The following ADAM23 variants were observed in gnomAD, a reference collection of about 807,000 sequenced individuals.
ADAM23 encodes disintegrin and metalloproteinase domain-containing protein 23.
In ADAM23, 33 loss-of-function variants were observed where a neutral mutation model predicts 120.1. The observed-to-expected ratio is 0.27, with a 90% CI of 0.21 to 0.37. ADAM23 has a LOEUF of 0.37. Ranked by LOEUF, ADAM23 falls within the 10% of genes least tolerant of loss-of-function variation. The probability of loss-of-function intolerance (pLI) is 1.00; values close to 1 mark genes in which losing one functional copy is unlikely to be tolerated. For synonymous variants in ADAM23, 367 were observed against 375.2 expected (o/e 0.98, Z 0.25); for missense variants, 862 against 1,058.2 (o/e 0.81, Z 2.57).
chr2:206,566,967 C>G lies in ADAM23; in HGVS notation c.1395-256C>G, dbSNP rs139075656. On this transcript the variant is annotated intron_variant, in intron 14 of 25. Transcript: ENST00000264377. ...GAGCTTTTTAAAAAACATTTCAAGC[C>G]TGGTCACAAAAGGGCTTGACTGCTG... is the stretch of plus-strand genomic sequence containing the variant. Among the ~76,000 whole-genome samples the G allele has an allele frequency of 3.3e-5, 5 of 152,194 alleles. No individual in the cohort carries two copies. In the East Asian group the frequency reaches 9.6e-4, roughly 29 times the overall value.
intron 24 of ADAM23, among the ~76,000 whole-genome samples, chr2:206,607,750 C>A (rs1457833644): frequency 1.3e-5 from 2 of 152,072 alleles, no homozygotes; most frequent in Non-Finnish European, 2.9e-5. Flanking sequence ...CCATCAAATT[C>A]CAAGTTTTAG....
At chr2:206,501,437 C>T (rs1016036670) in intron 3 of ADAM23, among the ~76,000 whole-genome samples, 5 of 152,014 alleles carry the variant, frequency 3.3e-5, no homozygotes, top group African/African-American at 1.2e-4. Context: ...TAGGCTACTT[C>T]ATTCAGTTAT....
At chr2:206,581,176 A>G (rs1698212784) in intron 18 of ADAM23, among the ~76,000 whole-genome samples, 1 of 151,452 alleles carries the variant, frequency 6.6e-6, no homozygotes, top group African/African-American at 2.4e-5. Flanking sequence ...TTTTTGTTTC[A>G]TTTATCTTAT....
rs1187561472 is a variant in ADAM23, at chr2:206,445,519, A to G, written c.427A>G (p.Asn143Asp). ...DTKARHQQKH[N>D]KAVHLAQASF... is the part of the protein sequence containing the mutation. ...AAAGGCAAGACACCAGCAAAAACAT[A>G]ATAAGGTAGGCAGGAGGCTGGCTAT... Residue 143 changes from asparagine (N) to aspartate (D), a missense_variant, in exon 2 of 26, where the codon AAT becomes GAT. Around this residue, in one of 4 missense-constraint regions of ADAM23, gnomAD observed 225 missense variants for 204.0 expected, o/e 1.10. Coordinates refer to ENST00000264377, the MANE Select transcript of ADAM23 (RefSeq NM_003812.4). The G allele has an allele frequency of 6.2e-7, 1 of 1,612,668 alleles. No homozygotes were observed. Among genetic ancestry groups the G allele is most frequent in the Non-Finnish European group, 8.5e-7 (1 of 1,179,348 alleles).
chr2:206,561,328 G>C, intron 12 of ADAM23, 116 bp downstream of exon 12: 1 of 844,438 alleles, frequency 1.2e-6, no homozygotes, highest in South Asian at 1.5e-5. Context: ...TGTAGCATGA[G>C]TGGCTTATGT....
chr2:206,567,181 TTTTGGTAAATTA>T (rs1697902823), intron 14 of ADAM23, 30 bp from the exon 15 acceptor site: 1 of 1,467,652 alleles, frequency 6.8e-7, no homozygotes. Flanking sequence ...TGATGATTGC[TTTTGGTAAATTA>T]TTTACATAGT....
chr2:206,589,883 C>G (rs1453127147), intron 21 of ADAM23, among the ~76,000 whole-genome samples: 1 of 152,096 alleles, frequency 6.6e-6, no homozygotes, highest in Non-Finnish European at 1.5e-5. Flanking sequence ...AGTTTAAATG[C>G]AAACTATATA....
At chr2:206,510,486 G>A (rs758195813) in intron 3 of ADAM23, among the ~76,000 whole-genome samples, 13 of 152,166 alleles carry the variant, frequency 8.5e-5, no homozygotes, top group Admixed American at 4.6e-4. Flanking sequence ...TTAAATTTGT[G>A]TTTTGTTTAG....
chr2:206,476,906 C>G (rs1695786703), intron 2 of ADAM23, among the ~76,000 whole-genome samples: 1 of 152,086 alleles, frequency 6.6e-6, no homozygotes, highest in African/African-American at 2.4e-5. Flanking sequence ...AAATTCTTGC[C>G]AAGTAGTGAA....
At chr2:206,612,451 C>G (rs1410441635) in intron 25 of ADAM23, among the ~76,000 whole-genome samples, 1 of 152,158 alleles carries the variant, frequency 6.6e-6, no homozygotes, top group Non-Finnish European at 1.5e-5. Flanking sequence ...AAAGATTGTT[C>G]TAAATGCTGC....
chr2:206,583,223 G>C (rs1298714175), intron 18 of ADAM23, among the ~76,000 whole-genome samples: 3 of 152,226 alleles, frequency 2.0e-5, no homozygotes, highest in Non-Finnish European at 4.4e-5. Context: ...GGGAGGCCAA[G>C]GCGGGCGGAT....
chr2:206,543,524 T>C (rs139914873), intron 6 of ADAM23, among the ~76,000 whole-genome samples: 115 of 152,272 alleles, frequency 7.6e-4, no homozygotes, highest in African/African-American at 2.6e-3. Context: ...ACATCAAACA[T>C]AGGTTTTCTG....
At chr2:206,564,280 C>T (rs1359548678) in intron 13 of ADAM23, among the ~76,000 whole-genome samples, 1 of 151,886 alleles carries the variant, frequency 6.6e-6, no homozygotes, top group Non-Finnish European at 1.5e-5. Flanking sequence ...AAGAGAAGAG[C>T]CCATCACAAT....
intron 6 of ADAM23, among the ~76,000 whole-genome samples, chr2:206,544,856 TC>T (rs1248048359): frequency 6.6e-6 from 1 of 152,016 alleles, no homozygotes; most frequent in Non-Finnish European, 1.5e-5. Context: ...CATACACAGT[TC>T]CGGGAAGTCC....
At chr2:206,517,216 G>A (rs1696753415) in intron 3 of ADAM23, among the ~76,000 whole-genome samples, 1 of 151,990 alleles carries the variant, frequency 6.6e-6, no homozygotes, top group South Asian at 2.1e-4. Context: ...AGTCTTCATG[G>A]GCTGACTGCC....
chr2:206,589,622 C>T (rs1310742970), intron 21 of ADAM23, 108 bp downstream of exon 21: 3 of 815,286 alleles, frequency 3.7e-6, no homozygotes, highest in Non-Finnish European at 5.5e-6. Context: ...AAGTGTTCAC[C>T]ATTCCAAAAT....
rs201269626 is a variant in ADAM23 at position 206,508,007 on chromosome 2, T to C, written c.510-22878T>C. On this transcript the variant is annotated intron_variant, in intron 3 of 25. Coordinates refer to ENST00000264377, the MANE Select transcript of ADAM23 (RefSeq NM_003812.4). ...GAAATGAAGAAGAGACAAAGAGTTT[T>C]TCTCCTTTATAAATAAATTGCCTAG... 6.6e-5 allele frequency among the ~76,000 whole-genome samples: 10 copies of C among 152,296 alleles called. No individual in the cohort carries two copies. In the East Asian group the frequency reaches 1.9e-3, roughly 30 times the overall value.
chr2:206,609,858 T>A, intron 24 of ADAM23, 52 bp from the exon 25 acceptor site: 1 of 1,479,074 alleles, frequency 6.8e-7, no homozygotes. Context: ...TCCCTTGTGG[T>A]AACGAAAGTG....
At chr2:206,607,455 G>C (rs188787480) in intron 24 of ADAM23, among the ~76,000 whole-genome samples, 8 of 152,288 alleles carry the variant, frequency 5.3e-5, no homozygotes, top group Admixed American at 4.6e-4. Context: ...TACATTGGCT[G>C]TAACTTTGGT....
Sources: allele counts gnomAD v4.1 joint callset (sites outside exome capture counted in the v4.1 genomes callset), GRCh38; gene constraint gnomAD v4.1.1; regional missense constraint gnomAD v4.1.1; transcripts MANE v1.5; gene names NCBI Gene and HGNC (gene_info 2026-07-23, HGNC 2026-07-21).